CDKAL1: variants seen among roughly 807,000 people sequenced by gnomAD.
The protein encoded by CDKAL1 is CDKAL1 threonylcarbamoyladenosine tRNA methylthiotransferase, also known as threonylcarbamoyladenosine tRNA methylthiotransferase.
CDKAL1 carries 32 observed loss-of-function variants against 68.2 expected under a neutral mutation model. That is an observed-to-expected ratio of 0.47 (90% confidence interval 0.35 to 0.63). The LOEUF (loss-of-function observed/expected upper bound fraction) is 0.63. CDKAL1 is among the 30% of genes least tolerant of loss of function. The probability of loss-of-function intolerance (pLI) is 0.00; values close to 1 mark genes in which losing one functional copy is unlikely to be tolerated. For missense variants in CDKAL1, 606 were observed against 696.7 expected (o/e 0.87, Z 1.47); for synonymous variants, 234 against 244.3 (o/e 0.96, Z 0.39).
chr6:20,875,644 A>G (rs1760474413), intron 9 of CDKAL1, among the ~76,000 whole-genome samples: 1 of 152,086 alleles, frequency 6.6e-6, no homozygotes, highest in Non-Finnish European at 1.5e-5. Context: ...AAATTAAGTA[A>G]TAATGTGTTC....
intron 12 of CDKAL1, among the ~76,000 whole-genome samples, chr6:21,088,896 C>T (rs1582172468): frequency 6.6e-6 from 1 of 152,278 alleles, no homozygotes; most frequent in East Asian, 1.9e-4. Flanking sequence ...GAGCCGAGAT[C>T]ATGCCACTGC....
chr6:20,770,680 AT>A (rs1347418773), intron 7 of CDKAL1, among the ~76,000 whole-genome samples: 3 of 152,114 alleles, frequency 2.0e-5, no homozygotes, highest in African/African-American at 7.2e-5. Flanking sequence ...GAGCATTTTC[AT>A]TTTTGAAGGC....
intron 9 of CDKAL1, among the ~76,000 whole-genome samples, chr6:20,883,312 G>A (rs1383331435): frequency 6.6e-6 from 1 of 152,168 alleles, no homozygotes; most frequent in Non-Finnish European, 1.5e-5. Flanking sequence ...CATTTTAGTT[G>A]ACAAGTGTAA....
intron 10 of CDKAL1, among the ~76,000 whole-genome samples, chr6:20,974,259 C>T (rs754127615): frequency 1.1e-4 from 16 of 152,354 alleles, no homozygotes; most frequent in Admixed American, 2.0e-4. Context: ...ACTGGCCTGA[C>T]CCAAAAGTAG....
intron 6 of CDKAL1, among the ~76,000 whole-genome samples, chr6:20,746,831 T>G (rs1293166822): frequency 1.3e-5 from 2 of 152,216 alleles, no homozygotes; most frequent in East Asian, 1.9e-4. Flanking sequence ...TCCATCTCCT[T>G]CTGTAGTTAC....
rs557587974 is a variant in CDKAL1, at chr6:20,823,892, G to A, written c.639-22183G>A. On this transcript the variant is annotated intron_variant, in intron 8 of 15. Coordinates refer to ENST00000274695, the MANE Select transcript of CDKAL1 (RefSeq NM_017774.3). ...TTGCTTCCAAAGTCGAGATACTAGA[G>A]TGATGTGAAAATAATAATAAAAGCA... Among the ~76,000 whole-genome samples the A allele has an allele frequency of 4.6e-5, 7 of 152,210 alleles. No individual in the cohort carries two copies. The South Asian group carries it at 1.5e-3, about 32-fold the overall frequency.
chr6:21,115,215 G>C (rs1226493534), intron 13 of CDKAL1, among the ~76,000 whole-genome samples: 1 of 152,168 alleles, frequency 6.6e-6, no homozygotes, highest in Non-Finnish European at 1.5e-5. Context: ...ACTTCACCCA[G>C]CTCTTTATGT....
intron 13 of CDKAL1, among the ~76,000 whole-genome samples, chr6:21,186,748 G>C (rs999818892): frequency 6.6e-6 from 1 of 151,932 alleles, no homozygotes; most frequent in Non-Finnish European, 1.5e-5. Context: ...ACAGTTAAGA[G>C]TGTGGTGAGG....
chr6:20,819,941 C>A (rs1397022752), intron 8 of CDKAL1, among the ~76,000 whole-genome samples: 2 of 152,172 alleles, frequency 1.3e-5, no homozygotes, highest in Non-Finnish European at 2.9e-5. Context: ...ATGCCTCGCA[C>A]AGATATGGAG....
intron 5 of CDKAL1, among the ~76,000 whole-genome samples, chr6:20,732,737 C>G (rs1561727310): frequency 2.0e-5 from 3 of 152,112 alleles, no homozygotes; most frequent in Admixed American, 6.5e-5. Context: ...ACCACAGTCA[C>G]CATTTTCTAA....
In CDKAL1 at chr6:20,836,054, A is replaced by C. The variant is rs566709079; in HGVS notation, c.639-10021A>C. On this transcript the variant is annotated intron_variant, in intron 8 of 15. Coordinates refer to ENST00000274695, the MANE Select transcript of CDKAL1 (RefSeq NM_017774.3). Reference sequence around the variant, plus strand: ...GGACCCATGGGTTTCTGCTCCCTCAAGCCTCCTTTTTACTCCCTCCTATGT... The same window carrying C: ...GGACCCATGGGTTTCTGCTCCCTCACGCCTCCTTTTTACTCCCTCCTATGT... Among the ~76,000 whole-genome samples the C allele has an allele frequency of 7.2e-5, 11 of 152,158 alleles. No individual in the cohort carries two copies. The South Asian group carries it at 2.3e-3, about 32-fold the overall frequency.
At chr6:20,874,245 T>G (rs73372071) in intron 9 of CDKAL1, among the ~76,000 whole-genome samples, 1 of 152,142 alleles carries the variant, frequency 6.6e-6, no homozygotes. Flanking sequence ...CATTGGGGGC[T>G]ATTTATCCAT....
chr6:20,769,796 A>G (rs1401909889), intron 7 of CDKAL1, among the ~76,000 whole-genome samples: 1 of 152,128 alleles, frequency 6.6e-6, no homozygotes, highest in Admixed American at 6.5e-5. Flanking sequence ...TTTCATATAC[A>G]TTAATTCATT....
intron 15 of CDKAL1, among the ~76,000 whole-genome samples, chr6:21,205,260 C>G (rs779291175): frequency 4.6e-5 from 7 of 152,176 alleles, no homozygotes; most frequent in Non-Finnish European, 1.0e-4. Context: ...TTGCTATGAA[C>G]ATGGGTGCAC....
intron 10 of CDKAL1, among the ~76,000 whole-genome samples, chr6:20,999,771 T>TA (rs1767334746): frequency 6.6e-6 from 1 of 151,856 alleles, no homozygotes; most frequent in Non-Finnish European, 1.5e-5. Context: ...ATATTTGTAT[T>TA]AAAAAATGTG....
At chr6:20,647,010 G>T (rs1336266623) in intron 4 of CDKAL1, among the ~76,000 whole-genome samples, 1 of 152,176 alleles carries the variant, frequency 6.6e-6, no homozygotes, top group African/African-American at 2.4e-5. Flanking sequence ...CTCCCAAAGT[G>T]CCGGGATTAC....
chr6:20,891,492 C>G (rs1384184051), intron 9 of CDKAL1, among the ~76,000 whole-genome samples: 1 of 151,858 alleles, frequency 6.6e-6, no homozygotes, highest in African/African-American at 2.4e-5. Flanking sequence ...TATTCCATCT[C>G]ACTCTTTGTC....
chr6:20,783,413 A>T (rs1267482005), intron 8 of CDKAL1, among the ~76,000 whole-genome samples: 6 of 152,118 alleles, frequency 3.9e-5, no homozygotes, highest in Admixed American at 3.9e-4. Flanking sequence ...TTATTTTTCT[A>T]GTCCCTATGT....
At chr6:20,766,019 T>G (rs72832328) in intron 7 of CDKAL1, among the ~76,000 whole-genome samples, 1,758 of 152,306 alleles carry the variant, frequency 0.012, 18 homozygotes, top group Non-Finnish European at 0.018. Flanking sequence ...TATCAAGTAT[T>G]TTTAGCCATT....
Sources: gnomAD v4.1 joint callset for allele counts (sites outside exome capture counted in the v4.1 genomes callset) on GRCh38, gnomAD v4.1.1 for gene constraint, MANE v1.5 for transcripts, NCBI Gene and HGNC (gene_info 2026-07-23, HGNC 2026-07-21) for gene names.